The following SMG1 variants were observed in gnomAD, a reference collection of about 807,000 sequenced individuals.
SMG1 encodes the protein SMG1 nonsense mediated mRNA decay associated PI3K related kinase, also known as serine/threonine-protein kinase SMG1.
Under a neutral mutation model 419.9 loss-of-function variants are expected in SMG1, and 22 were observed. The ratio of observed to expected loss-of-function variants is 0.05; its 90% confidence interval spans 0.04 to 0.07. The LOEUF (loss-of-function observed/expected upper bound fraction) is 0.07. Among genes scored for constraint, SMG1 ranks in the 10% least tolerant of loss-of-function variants. SMG1 has a pLI of 1.00. For synonymous variants in SMG1, 1,538 were observed against 1,553.5 expected (o/e 0.99, Z 0.23); for missense variants, 3,185 against 4,342.0 (o/e 0.73, Z 7.49).
Position 18,868,570 on chromosome 16 carries a change from A to C in SMG1, c.2983T>G (p.Tyr995Asp). The change falls in exon 21 of 63, where the codon TAT becomes GAT. Residue 995 changes from tyrosine to aspartate, a missense_variant. By Grantham distance (160) the Tyr-to-Asp change is radical. Transcript: ENST00000446231. ...QYLENLEKLM[Y>D]NAYEGCANAL... ...TTAGCACATCCCTCGTATGCATTAT[A>C]CATTAATTTCTCCAGATTTTCCAGA... 6.3e-7 allele frequency: 1 copy of C among 1,596,350 alleles called. No individual in the cohort carries two copies. Among genetic ancestry groups the C allele is most frequent in the South Asian group, 1.1e-5 (1 of 90,954 alleles).
At chr16:18,885,800 T>TAAAA in intron 6 of SMG1, 134 bp from the exon 7 acceptor site, 1 of 630,956 alleles carries the variant, frequency 1.6e-6, no homozygotes, top group Non-Finnish European at 2.5e-6. Context: ...TAGTTTTAGT[T>TAAAA]AAAAAAAAAA....
intron 1 of SMG1, among the ~76,000 whole-genome samples, chr16:18,902,227 A>T (rs951655696): frequency 5.3e-5 from 8 of 152,212 alleles, no homozygotes; most frequent in African/African-American, 1.9e-4. Context: ...ATCATTTTTC[A>T]CAACTCTACA....
intron 28 of SMG1, 144 bp downstream of exon 28, chr16:18,858,878 G>A: frequency 3.2e-6 from 2 of 625,686 alleles, no homozygotes; most frequent in South Asian, 4.6e-5. Context: ...ATGAAAAACT[G>A]CCTGAAAACA....
chr16:18,925,488 AT>A lies in SMG1; in HGVS notation c.92+461del, dbSNP rs148056877. The A allele has an allele frequency of 2.4e-3, 371 of 156,106 alleles. 5 individuals are homozygous for A. The highest frequency in any genetic ancestry group is 8.7e-3 in the African/African-American group (361 of 41,674). 9.7% of individuals were successfully genotyped at this position (156,106 alleles called of 1,614,324 possible). ...CTGGAGTTTTGTTTTGTTTTTTTCA[AT>A]ATTAACACGTGGGGGTCACAGAAAG... On this transcript the variant is annotated intron_variant, in intron 1 of 62. Transcript: ENST00000446231.
Position 18,880,711 on chromosome 16 carries a change from CA to C in SMG1, c.1294-993del, listed in dbSNP as rs1173545168. Among the ~76,000 whole-genome samples, 25 of 51,860 alleles carry C rather than the reference CA, an allele frequency of 4.8e-4. 1 individual carries two copies. Among genetic ancestry groups the C allele is most frequent in the African/African-American group, 9.0e-4 (8 of 8,888 alleles). 34.0% of individuals were successfully genotyped at this position (51,860 alleles called of 152,430 possible). A position where few individuals can be genotyped will look rare whatever the true frequency, so the allele number is the denominator to read the frequency against. On this transcript the variant is annotated intron_variant, in intron 10 of 62. Coordinates refer to ENST00000446231, the MANE Select transcript of SMG1 (RefSeq NM_015092.5). Reference sequence around the variant, plus strand: ...GCGTGGGCAACAGAGACCATGTCTCCAAAAAAAAAAGGGGGGGGGCGCGGAG... The same window carrying C: ...GCGTGGGCAACAGAGACCATGTCTCCAAAAAAAAAGGGGGGGGGCGCGGAG...
At chr16:18,869,042 G>A in intron 20 of SMG1, 62 bp downstream of exon 20, 1 of 1,378,196 alleles carries the variant, frequency 7.3e-7, no homozygotes, top group Non-Finnish European at 1.0e-6. Context: ...AAAGATTTAA[G>A]AATCCAGTAT....
At chr16:18,844,765 C>T (rs937770450) in intron 39 of SMG1, among the ~76,000 whole-genome samples, 1 of 151,898 alleles carries the variant, frequency 6.6e-6, no homozygotes, top group Non-Finnish European at 1.5e-5. Context: ...GTAAGGAAAT[C>T]AGTTAGGAGC....
chr16:18,919,199 T>C (rs1274309375), intron 1 of SMG1, among the ~76,000 whole-genome samples: 2 of 151,906 alleles, frequency 1.3e-5, no homozygotes, highest in African/African-American at 2.4e-5. Context: ...TAGTGGCACA[T>C]GCCTGTAATC....
chr16:18,870,588 T>C (rs776177914), intron 18 of SMG1, 22 bp downstream of exon 18: 14 of 1,443,400 alleles, frequency 9.7e-6, no homozygotes, highest in Non-Finnish European at 9.6e-7. Flanking sequence ...AGAATGTCTT[T>C]GCTCCAAAAC....
At chr16:18,902,330 A>G (rs1253960088) in intron 1 of SMG1, among the ~76,000 whole-genome samples, 1 of 152,204 alleles carries the variant, frequency 6.6e-6, no homozygotes, top group African/African-American at 2.4e-5. Context: ...CTGAATCCCT[A>G]AACTGCAATA....
Position 18,876,289 on chromosome 16 carries a change from G to C in SMG1, c.1725C>G (p.Ala575=). 5 of 1,611,670 alleles carry C rather than the reference G, an allele frequency of 3.1e-6. No homozygotes were observed. Among genetic ancestry groups the C allele is most frequent in the East Asian group, 4.5e-5 (2 of 44,856 alleles). ...YKLILGEMTC[A]LNNLLHSLQL... is the part of the protein sequence containing the mutation. ...GTAGACTGTGTAGGAGGTTGTTTAG[G>C]GCACAAGTCATTTCTCCCAATATTA... The change falls in exon 13 of 63, where the codon GCC becomes GCG. Residue 575 remains alanine, a synonymous_variant. Coordinates refer to ENST00000446231, the MANE Select transcript of SMG1 (RefSeq NM_015092.5).
intron 23 of SMG1, among the ~76,000 whole-genome samples, chr16:18,865,407 T>G (rs1234173737): frequency 1.3e-5 from 2 of 152,180 alleles, no homozygotes; most frequent in Non-Finnish European, 2.9e-5. Flanking sequence ...ACCTTTTCTG[T>G]AGAGTAGCTT....
At chr16:18,897,611 T>C (rs958374945) in intron 1 of SMG1, among the ~76,000 whole-genome samples, 1 of 152,176 alleles carries the variant, frequency 6.6e-6, no homozygotes, top group Non-Finnish European at 1.5e-5. Context: ...TAGTTCATAA[T>C]CTATTTAAAA....
intron 4 of SMG1, among the ~76,000 whole-genome samples, chr16:18,891,390 C>T (rs987453428): frequency 2.0e-5 from 3 of 151,894 alleles, no homozygotes; most frequent in Non-Finnish European, 4.4e-5. Context: ...GTGTCATCTG[C>T]CTCACTAGAC....
chr16:18,851,971 G>A (rs2034628675), intron 33 of SMG1, 96 bp downstream of exon 33: 1 of 1,272,766 alleles, frequency 7.9e-7, no homozygotes, highest in Non-Finnish European at 1.1e-6. Flanking sequence ...CAATTGGTAA[G>A]CCCCATTCAG....
rs553927303 is a variant in SMG1, at chr16:18,925,847, G to A, written c.92+103C>T. On this transcript the variant is annotated intron_variant, in intron 1 of 62. Transcript: ENST00000446231. Reference sequence around the variant, plus strand: ...AGGAAGCCGCGCCCGGCTCCGAGGGGTGGAGGGCCTAGGCCGCGCCTCCCA... The same window carrying A: ...AGGAAGCCGCGCCCGGCTCCGAGGGATGGAGGGCCTAGGCCGCGCCTCCCA... 4.2e-5 allele frequency: 37 copies of A among 870,866 alleles called. No homozygotes were observed. In the African/African-American group the frequency reaches 5.6e-4, roughly 13 times the overall value. 53.9% of individuals were successfully genotyped at this position (870,866 alleles called of 1,614,324 possible).
intron 56 of SMG1, among the ~76,000 whole-genome samples, chr16:18,817,780 G>A (rs1048442082): frequency 6.6e-6 from 1 of 152,148 alleles, no homozygotes; most frequent in East Asian, 1.9e-4. Context: ...GCTGCAATTT[G>A]TGTTACAGCC....
Position 18,858,175 on chromosome 16 carries a change from A to G in SMG1, c.4229T>C (p.Ile1410Thr), listed in dbSNP as rs926153538. The G allele has an allele frequency of 5.8e-6, 9 of 1,552,174 alleles. No individual in the cohort carries two copies. In the Admixed American group the frequency reaches 1.2e-4, roughly 22 times the overall value. Residue 1410 changes from isoleucine (I) to threonine (T), a missense_variant, in exon 29 of 63, where the codon ATT (isoleucine) becomes ACT (threonine). By Grantham distance (89) the Ile-to-Thr change is moderately conservative. This residue lies in a region of SMG1 where 493 missense variants were observed against 552.9 expected (regional missense o/e 0.89). Coordinates refer to ENST00000446231, the MANE Select transcript of SMG1 (RefSeq NM_015092.5). Reference sequence around the variant, plus strand: ...AAGAAAAAAAAACCACTTACCTTTAATTTTCTCCAACAACTGATTCTGGTA... The same window carrying G: ...AAGAAAAAAAAACCACTTACCTTTAGTTTTCTCCAACAACTGATTCTGGTA... ...TMYQNQLLEK[I>T]KEQTVPIRSH...
At position 18,925,803 on chromosome 16, in the gene SMG1, G is replaced by A. The variant is rs1596679043; in HGVS notation, c.92+147C>T. ...GCCTCCCCGCGGCCTTCCTCCCCCA[G>A]CCGGGGCGGAGGAGACCCAGGAAGC... On this transcript the variant is annotated intron_variant, in intron 1 of 62. Transcript: ENST00000446231. 12 of 539,968 alleles carry A rather than the reference G, an allele frequency of 2.2e-5. No individual in the cohort carries two copies. In the South Asian group the frequency reaches 3.2e-4, roughly 14 times the overall value. 33.4% of individuals were successfully genotyped at this position (539,968 alleles called of 1,614,324 possible).
Sources: allele counts gnomAD v4.1 joint callset (sites outside exome capture counted in the v4.1 genomes callset), GRCh38; gene constraint gnomAD v4.1.1; regional missense constraint gnomAD v4.1.1; transcripts MANE v1.5; gene names NCBI Gene and HGNC (gene_info 2026-07-23, HGNC 2026-07-21).